VEGFC: variants seen among roughly 807,000 people sequenced by gnomAD.
VEGFC encodes vascular endothelial growth factor C.
VEGFC carries 12 observed loss-of-function variants against 46.1 expected under a neutral mutation model. That is an observed-to-expected ratio of 0.26 (90% CI 0.17 to 0.42). VEGFC has a LOEUF of 0.42. Among genes scored for constraint, VEGFC ranks in the 10% least tolerant of loss-of-function variants. The probability of loss-of-function intolerance (pLI) is 1.00; values close to 1 mark genes in which losing one functional copy is unlikely to be tolerated. For missense variants in VEGFC, 488 were observed against 529.4 expected (o/e 0.92, Z 0.77); for synonymous variants, 232 against 195.5 (o/e 1.19, Z -1.56).
At chr4:176,725,235 T>C (rs943469266) in intron 3 of VEGFC, among the ~76,000 whole-genome samples, 2 of 152,170 alleles carry the variant, frequency 1.3e-5, no homozygotes, top group African/African-American at 4.8e-5. Flanking sequence ...AAAAAGATTT[T>C]TGTCTTATTT....
At chr4:176,696,013 C>G (rs1259508334) in intron 4 of VEGFC, among the ~76,000 whole-genome samples, 19 of 146,046 alleles carry the variant, frequency 1.3e-4, no homozygotes, top group Non-Finnish European at 2.8e-4. Context: ...TATGACAAAC[C>G]CACAGCCAAT....
chr4:176,684,066 T>TAAC (rs761101084), intron 6 of VEGFC, 26 bp from the exon 7 acceptor site: 35 of 1,548,478 alleles, frequency 2.3e-5, no homozygotes, highest in Non-Finnish European at 3.0e-5. Flanking sequence ...AGAACACACT[T>TAAC]ACGTTAAAGA....
At chr4:176,762,292 C>T (rs754361284) in intron 1 of VEGFC, among the ~76,000 whole-genome samples, 24 of 152,150 alleles carry the variant, frequency 1.6e-4, no homozygotes, top group Non-Finnish European at 2.5e-4. Flanking sequence ...GTCATGAAGC[C>T]TTTGCCCAGA....
At chr4:176,734,701 T>C (rs904173474) in intron 1 of VEGFC, among the ~76,000 whole-genome samples, 4 of 151,798 alleles carry the variant, frequency 2.6e-5, no homozygotes, top group African/African-American at 9.7e-5. Flanking sequence ...AATTTACATT[T>C]CTTTAGGAAA....
intron 4 of VEGFC, chr4:176,689,464 C>A (rs1734108201): frequency 6.6e-6 from 1 of 152,156 alleles, no homozygotes; most frequent in African/African-American, 2.4e-5. Flanking sequence ...TTTACCAAAG[C>A]TTTCCTGTCC....
intron 3 of VEGFC, among the ~76,000 whole-genome samples, chr4:176,717,717 T>C (rs551539252): frequency 2.0e-5 from 3 of 152,248 alleles, no homozygotes; most frequent in East Asian, 3.9e-4. Context: ...AATTTAAATT[T>C]AAATATTCCA....
intron 4 of VEGFC, among the ~76,000 whole-genome samples, chr4:176,709,494 G>A (rs565214035): frequency 2.0e-5 from 3 of 152,194 alleles, no homozygotes; most frequent in Admixed American, 1.3e-4. Context: ...AAAGTTGGCC[G>A]TGGTATTCGG....
At chr4:176,742,925 A>G (rs1033782904) in intron 1 of VEGFC, among the ~76,000 whole-genome samples, 2 of 152,058 alleles carry the variant, frequency 1.3e-5, no homozygotes, top group Non-Finnish European at 2.9e-5. Context: ...ATGTCTCCTA[A>G]GTTGAGACAG....
At chr4:176,703,889 C>A (rs1170318089) in intron 4 of VEGFC, among the ~76,000 whole-genome samples, 1 of 152,006 alleles carries the variant, frequency 6.6e-6, no homozygotes, top group Non-Finnish European at 1.5e-5. Context: ...ATTTACTTAC[C>A]CTTTCTGATT....
intron 4 of VEGFC, among the ~76,000 whole-genome samples, chr4:176,697,339 C>T (rs978431126): frequency 2.0e-5 from 3 of 151,544 alleles, no homozygotes; most frequent in African/African-American, 7.3e-5. Flanking sequence ...TGAACAGACA[C>T]TTCTCAAAAG....
intron 3 of VEGFC, among the ~76,000 whole-genome samples, chr4:176,725,970 TG>T (rs1469876780): frequency 1.3e-5 from 2 of 152,126 alleles, no homozygotes; most frequent in African/African-American, 4.8e-5. Flanking sequence ...TAAAGAATCC[TG>T]TTTGATTTCA....
In VEGFC at chr4:176,727,978, C is replaced by A; in HGVS notation, c.362-10G>T. 6.4e-7 allele frequency: 1 copy of A among 1,574,446 alleles called. No individual in the cohort carries two copies. The highest frequency in any genetic ancestry group is 1.2e-5 in the South Asian group (1 of 84,736). On this transcript the variant is annotated splice_polypyrimidine_tract_variant and intron_variant, in intron 2 of 6. Transcript: ENST00000618562. ...CACTCATTATCAATACCTGTCAAGTCATAGGGAAATCAGTAAGTTTTACGG... is the reference window on the plus strand; with the variant it reads ...CACTCATTATCAATACCTGTCAAGTAATAGGGAAATCAGTAAGTTTTACGG...
chr4:176,772,735 A>C (rs1433134379), intron 1 of VEGFC, among the ~76,000 whole-genome samples: 1 of 152,172 alleles, frequency 6.6e-6, no homozygotes, highest in Non-Finnish European at 1.5e-5. Flanking sequence ...TGAGTTTGTT[A>C]TATAAAGTTC....
intron 1 of VEGFC, among the ~76,000 whole-genome samples, chr4:176,741,917 C>T (rs552754422): frequency 2.0e-4 from 30 of 151,972 alleles, no homozygotes; most frequent in African/African-American, 6.5e-4. Context: ...AGGAAAATAG[C>T]GATATGCAGA....
In VEGFC at chr4:176,687,507, T is replaced by A. The variant is rs778194080; in HGVS notation, c.825A>T (p.Gly275=). 1.2e-6 allele frequency: 2 copies of A among 1,605,490 alleles called. No homozygotes were observed. Among genetic ancestry groups the A allele is most frequent in the Admixed American group, 1.7e-5 (1 of 58,532 alleles). Residue 275 remains glycine, a synonymous_variant, in exon 6 of 7, where the codon GGA becomes GGT. Coordinates refer to ENST00000618562, the MANE Select transcript of VEGFC (RefSeq NM_005429.5). ...SSDAGDDSTD[G]FHDICGPNKE... Reference sequence around the variant, plus strand: ...TGTTTGGTCCACAGATGTCATGGAATCCATCTGTTGAGTCTAGACAAATAG... The same window carrying A: ...TGTTTGGTCCACAGATGTCATGGAAACCATCTGTTGAGTCTAGACAAATAG...
At chr4:176,696,539 C>T (rs1215086268) in intron 4 of VEGFC, among the ~76,000 whole-genome samples, 6 of 149,690 alleles carry the variant, frequency 4.0e-5, no homozygotes, top group African/African-American at 7.5e-5. Context: ...GAATCAATAT[C>T]GTGAAAATGG....
chr4:176,765,755 G>A (rs982265312), intron 1 of VEGFC, among the ~76,000 whole-genome samples: 5 of 151,864 alleles, frequency 3.3e-5, no homozygotes, highest in East Asian at 1.9e-4. Context: ...GGGTTTCACC[G>A]TGTTAGCCAG....
intron 1 of VEGFC, among the ~76,000 whole-genome samples, chr4:176,768,851 A>C (rs1476101058): frequency 6.6e-6 from 1 of 152,048 alleles, no homozygotes; most frequent in Admixed American, 6.6e-5. Context: ...CTGAAACTCC[A>C]GTAAAGGCTG....
intron 3 of VEGFC, among the ~76,000 whole-genome samples, chr4:176,719,153 C>G (rs1200694874): frequency 6.6e-6 from 1 of 152,034 alleles, no homozygotes; most frequent in Non-Finnish European, 1.5e-5. Flanking sequence ...TTCATTGAGT[C>G]CCATTTTAAA....
Sources: allele counts gnomAD v4.1 joint callset (sites outside exome capture counted in the v4.1 genomes callset), GRCh38; gene constraint gnomAD v4.1.1; transcripts MANE v1.5; gene names NCBI Gene and HGNC (gene_info 2026-07-23, HGNC 2026-07-21).